The following PVR variants were observed in gnomAD, a reference collection of about 807,000 sequenced individuals.
The protein encoded by PVR is poliovirus receptor.
In PVR, 39 loss-of-function variants were observed where a neutral mutation model predicts 43.3. The observed-to-expected ratio is 0.90, with a 90% CI of 0.70 to 1.18. PVR has a LOEUF of 1.18. Ranked by LOEUF, PVR falls within the 50% of genes most tolerant of loss-of-function variation. PVR has a pLI of 0.00. For synonymous variants in PVR, 224 were observed against 233.2 expected (o/e 0.96, Z 0.36); for missense variants, 480 against 549.7 (o/e 0.87, Z 1.27).
At chr19:44,647,672 C>A in intron 2 of PVR, 102 bp downstream of exon 2, 3 of 866,834 alleles carry the variant, frequency 3.5e-6, no homozygotes, top group Non-Finnish European at 5.2e-6. Flanking sequence ...GAGGGAGATT[C>A]CCTCCACAGC....
chr19:44,655,654 A>G (rs1308810320), intron 4 of PVR, among the ~76,000 whole-genome samples: 1 of 151,974 alleles, frequency 6.6e-6, no homozygotes, highest in Non-Finnish European at 1.5e-5. Context: ...TAGATCCACA[A>G]CTCCATTTTC....
At chr19:44,659,346 C>T (rs1264868125) in intron 6 of PVR, among the ~76,000 whole-genome samples, 1 of 152,240 alleles carries the variant, frequency 6.6e-6, no homozygotes, top group Non-Finnish European at 1.5e-5. Flanking sequence ...CTGGAGCACC[C>T]TCCCATGGCT....
At chr19:44,657,662 A>C in intron 4 of PVR, 100 bp from the exon 5 acceptor site, 1 of 1,246,690 alleles carries the variant, frequency 8.0e-7, no homozygotes, top group Non-Finnish European at 1.1e-6. Context: ...CGCTTATGCT[A>C]TAGAGGGCGT....
chr19:44,663,724 ACC>A lies in PVR; in HGVS notation c.*1914_*1915del, dbSNP rs945054186. The A allele has an allele frequency of 5.2e-4, 79 of 151,540 alleles. No individual in the cohort carries two copies. Among genetic ancestry groups the A allele is most frequent in the African/African-American group, 1.8e-3 (73 of 41,394 alleles). 9.4% of individuals were successfully genotyped at this position (151,540 alleles called of 1,614,324 possible). On this transcript the variant is annotated 3_prime_UTR_variant, in exon 8 of 8. Coordinates refer to ENST00000425690, the MANE Select transcript of PVR (RefSeq NM_006505.5). ...GCCATAAGGGCTGGGATTCCCAGGC[ACC>A]TTAGGAACAGCTTGTCTTTTTTTTT...
chr19:44,655,823 CAAT>C (rs1476759431), intron 4 of PVR, among the ~76,000 whole-genome samples: 1 of 147,408 alleles, frequency 6.8e-6, no homozygotes, highest in Non-Finnish European at 1.5e-5. Flanking sequence ...ATTCATCCAT[CAAT>C]CATATTATGC....
chr19:44,658,619 T>G lies in PVR; in HGVS notation c.992-123T>G. 5 of 849,568 alleles carry G rather than the reference T, an allele frequency of 5.9e-6. No homozygotes were observed. The South Asian group carries it at 8.7e-5, about 15-fold the overall frequency. 52.6% of individuals were successfully genotyped at this position (849,568 alleles called of 1,614,324 possible). ...ACCAGAGGGTGGGATCCATTCCACCTGAATTAAATAGACTGAGGCAGTGGA... is the reference window on the plus strand; with the variant it reads ...ACCAGAGGGTGGGATCCATTCCACCGGAATTAAATAGACTGAGGCAGTGGA... On this transcript the variant is annotated intron_variant, in intron 5 of 7. Coordinates refer to ENST00000425690, the MANE Select transcript of PVR (RefSeq NM_006505.5).
At chr19:44,658,161 T>G (rs1296631232) in intron 5 of PVR, among the ~76,000 whole-genome samples, 1 of 152,184 alleles carries the variant, frequency 6.6e-6, no homozygotes, top group Non-Finnish European at 1.5e-5. Context: ...GACTCAGGCC[T>G]TTCCAAATAT....
At chr19:44,659,559 T>C (rs1407583980) in intron 6 of PVR, among the ~76,000 whole-genome samples, 1 of 152,216 alleles carries the variant, frequency 6.6e-6, no homozygotes, top group East Asian at 1.9e-4. Context: ...CTCGGCTCAC[T>C]GTAGCCTTCA....
At chr19:44,654,746 G>A (rs542366301) in intron 4 of PVR, among the ~76,000 whole-genome samples, 184 of 151,842 alleles carry the variant, frequency 1.2e-3, no homozygotes, top group South Asian at 3.9e-3. Context: ...TTTTTTTTGC[G>A]AATTTTTTTA....
chr19:44,645,118 A>ATTATATTATAATATATAAT (rs1568496426), intron 1 of PVR, among the ~76,000 whole-genome samples: 3 of 82,452 alleles, frequency 3.6e-5, no homozygotes, highest in African/African-American at 1.8e-4. Context: ...AGTAATATAT[A>ATTATATTATAATATATAAT]ATATATTATA....
At chr19:44,653,264 C>G (rs1347881495) in intron 3 of PVR, among the ~76,000 whole-genome samples, 1 of 152,146 alleles carries the variant, frequency 6.6e-6, no homozygotes, top group Non-Finnish European at 1.5e-5. Context: ...TTCTAGACAT[C>G]ATTCATACTG....
Position 44,657,753 on chromosome 19 carries a change from C to G in PVR, c.843-9C>G, listed in dbSNP as rs1973488478. On this transcript the variant is annotated splice_polypyrimidine_tract_variant and intron_variant, in intron 4 of 7. Transcript: ENST00000425690. ...AGAGGCCACCTCCTCACCTTTCTGT[C>G]TCTCCCAGGACCATGGGTCCCCTGC... 6.2e-7 allele frequency: 1 copy of G among 1,613,798 alleles called. No individual in the cohort carries two copies. Among genetic ancestry groups the G allele is most frequent in the African/African-American group, 1.3e-5 (1 of 74,900 alleles).
At chr19:44,655,057 CATAAT>C (rs1973402251) in intron 4 of PVR, among the ~76,000 whole-genome samples, 2 of 151,514 alleles carry the variant, frequency 1.3e-5, no homozygotes, top group African/African-American at 4.9e-5. Context: ...TTTTATAATA[CATAAT>C]TTTACATAAA....
chr19:44,646,899 T>G (rs1461127788), intron 1 of PVR, among the ~76,000 whole-genome samples: 1 of 152,260 alleles, frequency 6.6e-6, no homozygotes, highest in African/African-American at 2.4e-5. Flanking sequence ...ATTTAGTTTT[T>G]TAACCACAAT....
chr19:44,652,854 T>C (rs2123758140), intron 3 of PVR, among the ~76,000 whole-genome samples: 1 of 152,320 alleles, frequency 6.6e-6, no homozygotes, highest in Non-Finnish European at 1.5e-5. Context: ...TAACCCAATA[T>C]ACCTAAAATA....
chr19:44,663,426 A>T lies in PVR; in HGVS notation c.*1615A>T, dbSNP rs753774122. 4 of 152,394 alleles carry T rather than the reference A, an allele frequency of 2.6e-5. No homozygotes were observed. Among genetic ancestry groups the T allele is most frequent in the Non-Finnish European group, 5.9e-5 (4 of 68,204 alleles). 9.4% of individuals were successfully genotyped at this position (152,394 alleles called of 1,614,324 possible). ...GAAGTGTGGGGAAGAGATAGGAACC[A>T]GCAGGATGGCAGGGGCAAAGGGCTC... On this transcript the variant is annotated 3_prime_UTR_variant, in exon 8 of 8. Coordinates refer to ENST00000425690, the MANE Select transcript of PVR (RefSeq NM_006505.5).
intron 3 of PVR, 69 bp from the exon 4 acceptor site, chr19:44,653,831 T>C: frequency 9.2e-7 from 1 of 1,087,636 alleles, no homozygotes; most frequent in Non-Finnish European, 1.4e-6. Flanking sequence ...TGCAGTGTCG[T>C]GAATCCCGCG....
intron 2 of PVR, among the ~76,000 whole-genome samples, chr19:44,649,141 A>T (rs181343385): frequency 6.6e-6 from 1 of 152,080 alleles, no homozygotes; most frequent in Admixed American, 6.6e-5. Flanking sequence ...GCCCTCTCCG[A>T]GTCATCACTG....
At chr19:44,654,463 C>T (rs955894090) in intron 4 of PVR, among the ~76,000 whole-genome samples, 15 of 152,196 alleles carry the variant, frequency 9.9e-5, no homozygotes, top group African/African-American at 3.4e-4. Context: ...GCGGTTGAGG[C>T]GTTTAGCAGG....
Sources: gnomAD v4.1 joint callset for allele counts (sites outside exome capture counted in the v4.1 genomes callset) on GRCh38, gnomAD v4.1.1 for gene constraint, MANE v1.5 for transcripts, NCBI Gene and HGNC (gene_info 2026-07-23, HGNC 2026-07-21) for gene names.